Variants in TUSC3 observed in about 807,000 individuals in gnomAD.
TUSC3 encodes the protein tumor suppressor candidate 3, also known as dolichyl-diphosphooligosaccharide--protein glycosyltransferase subunit TUSC3.
TUSC3 carries 45 observed loss-of-function variants against 44.8 expected under a neutral mutation model. That is an observed-to-expected ratio of 1.00 (90% CI 0.79 to 1.29). The LOEUF is 1.29. TUSC3 is among the 50% of genes most tolerant of loss of function. TUSC3 has a pLI of 0.00. For missense variants in TUSC3, 519 were observed against 437.9 expected (o/e 1.19, Z -1.65); for synonymous variants, 212 against 152.9 (o/e 1.39, Z -2.85).
intron 4 of TUSC3, among the ~76,000 whole-genome samples, chr8:15,661,830 C>T (rs1205905992): frequency 6.6e-6 from 1 of 151,580 alleles, no homozygotes; most frequent in Non-Finnish European, 1.5e-5. Context: ...ATGAGTCTTA[C>T]AACTTAAAAA....
At chr8:15,791,562 T>C in the TUSC3 span, among the ~76,000 whole-genome samples, 1 of 152,158 alleles carries the variant, frequency 6.6e-6, no homozygotes, top group South Asian at 2.1e-4. Context: ...GCTCCATCAT[T>C]GGCCAGCTCT....
At chr8:15,573,529 G>C (rs923218303) in intron 1 of TUSC3, among the ~76,000 whole-genome samples, 1 of 151,832 alleles carries the variant, frequency 6.6e-6, no homozygotes, top group Non-Finnish European at 1.5e-5. Flanking sequence ...TAGCTGGCTT[G>C]GGTTCAGATG....
intron 1 of TUSC3, among the ~76,000 whole-genome samples, chr8:15,590,162 A>G (rs1803765765): frequency 6.6e-6 from 1 of 152,206 alleles, no homozygotes; most frequent in African/African-American, 2.4e-5. Flanking sequence ...TATCTTAGAT[A>G]ATTCCAATGT....
chr8:15,546,770 G>C (rs951282907), intron 1 of TUSC3, among the ~76,000 whole-genome samples: 3 of 151,530 alleles, frequency 2.0e-5, no homozygotes, highest in African/African-American at 7.2e-5. Flanking sequence ...CCCGACCTCA[G>C]GTGATCTGCC....
the TUSC3 span, among the ~76,000 whole-genome samples, chr8:15,819,102 A>G: frequency 6.6e-6 from 1 of 152,038 alleles, no homozygotes; most frequent in Admixed American, 6.6e-5. Context: ...AATTCACAGC[A>G]TTCTTGATTC....
intron 5 of TUSC3, among the ~76,000 whole-genome samples, chr8:15,673,418 C>G (rs1397020183): frequency 6.6e-6 from 1 of 152,024 alleles, no homozygotes; most frequent in African/African-American, 2.4e-5. Context: ...CATCAAGTGT[C>G]TCATCTGTGC....
chr8:15,764,235 C>T lies in TUSC3; in HGVS notation c.*79C>T. On this transcript the variant is annotated 3_prime_UTR_variant, in exon 11 of 11. Coordinates refer to ENST00000503731, the MANE Select transcript of TUSC3 (RefSeq NM_006765.4). ...ATTAAATGAAGCCAAGTGGGATTTG[C>T]ATAAAGTGAATGTTTACCATGAAGA... is the stretch of plus-strand genomic sequence containing the variant. The T allele has an allele frequency of 1.2e-6, 2 of 1,605,572 alleles. No individual in the cohort carries two copies. The highest frequency in any genetic ancestry group is 1.7e-6 in the Non-Finnish European group (2 of 1,173,714).
At chr8:15,678,769 G>A (rs554221801) in intron 6 of TUSC3, among the ~76,000 whole-genome samples, 2 of 152,148 alleles carry the variant, frequency 1.3e-5, no homozygotes, top group South Asian at 4.2e-4. Flanking sequence ...TCAGCTTTTG[G>A]CCTCCTTCCC....
chr8:15,581,038 A>C (rs2129146541), intron 1 of TUSC3, among the ~76,000 whole-genome samples: 1 of 110,434 alleles, frequency 9.1e-6, no homozygotes, highest in Non-Finnish European at 1.8e-5. Context: ...TTTTTCTCTA[A>C]ACTTCCCTTC....
At chr8:15,710,805 A>G (rs1809811821) in intron 6 of TUSC3, among the ~76,000 whole-genome samples, 1 of 148,336 alleles carries the variant, frequency 6.7e-6, no homozygotes, top group African/African-American at 2.4e-5. Flanking sequence ...ATAAATATAT[A>G]TATTTGCATG....
At chr8:15,545,493 A>G (rs1003640320) in intron 1 of TUSC3, among the ~76,000 whole-genome samples, 2 of 151,830 alleles carry the variant, frequency 1.3e-5, no homozygotes, top group African/African-American at 4.8e-5. Context: ...TTCTTTGACT[A>G]TGTGCTATAT....
At chr8:15,437,832 C>G (rs922949224) in intron 1 of TUSC3, among the ~76,000 whole-genome samples, 2 of 152,248 alleles carry the variant, frequency 1.3e-5, no homozygotes, top group Middle Eastern at 3.4e-3. Context: ...AACACCTGCA[C>G]TGAGATACTC....
intron 2 of TUSC3, among the ~76,000 whole-genome samples, chr8:15,508,773 T>C (rs1212945397): frequency 6.6e-6 from 1 of 152,136 alleles, no homozygotes; most frequent in Non-Finnish European, 1.5e-5. Context: ...AAGCTTCCTT[T>C]TTAAGTGGAA....
At chr8:15,610,642 C>T (rs1563132500) in intron 1 of TUSC3, among the ~76,000 whole-genome samples, 1 of 152,056 alleles carries the variant, frequency 6.6e-6, no homozygotes, top group Non-Finnish European at 1.5e-5. Context: ...TGCCTTTGAA[C>T]CAGAGAATAA....
chr8:15,621,559 A>G (rs1204327901), intron 1 of TUSC3, among the ~76,000 whole-genome samples: 2 of 147,826 alleles, frequency 1.4e-5, no homozygotes, highest in Admixed American at 1.4e-4. Flanking sequence ...AAAGTTATAT[A>G]TATATATTTA....
chr8:15,593,788 T>C (rs1803953096), intron 1 of TUSC3, among the ~76,000 whole-genome samples: 1 of 152,180 alleles, frequency 6.6e-6, no homozygotes, highest in Admixed American at 6.6e-5. Context: ...TTATGCTCTG[T>C]GCACTGTTGT....
At chr8:15,749,732 GT>G (rs71211080) in intron 9 of TUSC3, among the ~76,000 whole-genome samples, 44,457 of 140,280 alleles carry the variant, frequency 0.32, 6,857 homozygotes, top group Admixed American at 0.41. Context: ...GAAAGATGAA[GT>G]TTTTTTTTTT....
chr8:15,422,488 T>A (rs565389249), intron 1 of TUSC3, among the ~76,000 whole-genome samples: 1 of 152,164 alleles, frequency 6.6e-6, no homozygotes, highest in Non-Finnish European at 1.5e-5. Context: ...TTAGAAGATA[T>A]AAGTTCAAGA....
intron 2 of TUSC3, among the ~76,000 whole-genome samples, chr8:15,490,168 A>C (rs1017521143): frequency 6.6e-6 from 1 of 152,216 alleles, no homozygotes; most frequent in Non-Finnish European, 1.5e-5. Context: ...TAGAACAACA[A>C]ACAAGTGATG....
Sources: gnomAD v4.1 joint callset for allele counts (sites outside exome capture counted in the v4.1 genomes callset) on GRCh38, gnomAD v4.1.1 for gene constraint, MANE v1.5 for transcripts, NCBI Gene and HGNC (gene_info 2026-07-23, HGNC 2026-07-21) for gene names.